BIRC6: variants seen among roughly 807,000 people sequenced by gnomAD.
BIRC6 encodes the protein baculoviral IAP repeat containing 6.
Under a neutral mutation model 503.3 loss-of-function variants are expected in BIRC6, and 98 were observed. That is an observed-to-expected ratio of 0.19 (90% confidence interval 0.17 to 0.23). The LOEUF is 0.23. Among genes scored for constraint, BIRC6 ranks in the 10% least tolerant of loss-of-function variants. The pLI is 1.00. For missense variants in BIRC6, 5,360 were observed against 5,806.0 expected, an observed-to-expected ratio of 0.92 and a Z score of 2.50; for synonymous variants, 2,240 against 2,078.7, an observed-to-expected ratio of 1.08 and a Z score of -2.11.
At chr2:32,452,444 CAA>C (rs2046827332) in intron 22 of BIRC6, among the ~76,000 whole-genome samples, 1 of 152,014 alleles carries the variant, frequency 6.6e-6, no homozygotes, top group Non-Finnish European at 1.5e-5. Context: ...AACAAGGAAA[CAA>C]AAGCTCTTCA....
At chr2:32,534,058 A>G (rs1251457487) in intron 61 of BIRC6, among the ~76,000 whole-genome samples, 2 of 152,174 alleles carry the variant, frequency 1.3e-5, no homozygotes, top group East Asian at 1.9e-4. Context: ...GGTGTGTTTA[A>G]TAAGAGACAC....
At position 32,416,175 on chromosome 2, in the gene BIRC6, G is replaced by A. The variant is rs372275395; in HGVS notation, c.2872+12G>A. ...TGCATGCACCAAAGGTAAGTTGTCTGATTATGCTATAAATCTTATAAAATC... is the reference window on the plus strand; with the variant it reads ...TGCATGCACCAAAGGTAAGTTGTCTAATTATGCTATAAATCTTATAAAATC... On this transcript the variant is annotated intron_variant, in intron 10 of 73. Coordinates refer to ENST00000421745, the MANE Select transcript of BIRC6 (RefSeq NM_016252.4). The A allele has an allele frequency of 6.4e-7, 1 of 1,563,920 alleles. No individual in the cohort carries two copies. The highest frequency in any genetic ancestry group is 1.4e-5 in the African/African-American group (1 of 72,978).
In BIRC6 at chr2:32,357,812, G is replaced by A. The variant is rs529760300; in HGVS notation, c.325+326G>A. On this transcript the variant is annotated intron_variant, in intron 1 of 73. Coordinates refer to ENST00000421745, the MANE Select transcript of BIRC6 (RefSeq NM_016252.4). The surrounding 1 kb of genome is among the most constrained non-coding windows in gnomAD (Gnocchi z 4.9). ...TGGCACCGGAGGAAGCGAGGCCCGG[G>A]TAGGCCCTGGAGAGGCTGTCGGTCC... Among the ~76,000 whole-genome samples, 42 of 152,266 alleles carry A rather than the reference G, an allele frequency of 2.8e-4. No homozygotes were observed. The highest frequency in any genetic ancestry group is 4.6e-4 in the Non-Finnish European group (31 of 68,004).
At chr2:32,369,167 C>G (rs1429707192) in intron 1 of BIRC6, among the ~76,000 whole-genome samples, 2 of 131,908 alleles carry the variant, frequency 1.5e-5, no homozygotes, top group African/African-American at 5.4e-5. Flanking sequence ...TAGACAAAAA[C>G]AGCTAGATAG....
chr2:32,415,255 A>T lies in BIRC6; in HGVS notation c.1964A>T (p.Lys655Ile). Reference sequence around the variant, plus strand: ...TCACAGATGAACAATATTATGAGTAAAAGTTTGCATGATGATGGTTTTACT... The same window carrying T: ...TCACAGATGAACAATATTATGAGTATAAGTTTGCATGATGATGGTTTTACT... Reference protein sequence around the residue: ...IFSQMNNIMSKSLHDDGFTVP... With the variant: ...IFSQMNNIMSISLHDDGFTVP... Residue 655 changes from lysine to isoleucine, a missense_variant, in exon 10 of 74, where the codon AAA becomes ATA. Physicochemically the swap from Lys to Ile is moderately radical, Grantham distance 102. Transcript: ENST00000421745. 6.2e-7 allele frequency: 1 copy of T among 1,614,028 alleles called. No individual in the cohort carries two copies. The highest frequency in any genetic ancestry group is 8.5e-7 in the Non-Finnish European group (1 of 1,179,880).
At chr2:32,413,870 A>T (rs1039083185) in intron 9 of BIRC6, among the ~76,000 whole-genome samples, 1 of 152,144 alleles carries the variant, frequency 6.6e-6, no homozygotes, top group Non-Finnish European at 1.5e-5. Flanking sequence ...TGAACTCTAG[A>T]TTACTTATAA....
chr2:32,519,064 G>T, intron 57 of BIRC6, 118 bp downstream of exon 57: 1 of 979,792 alleles, frequency 1.0e-6, no homozygotes, highest in Non-Finnish European at 1.5e-6. Context: ...GACTAGGAAA[G>T]TTCAAGACAT....
intron 3 of BIRC6, among the ~76,000 whole-genome samples, chr2:32,383,475 A>G (rs1394168330): frequency 6.6e-6 from 1 of 152,208 alleles, no homozygotes; most frequent in Non-Finnish European, 1.5e-5. Flanking sequence ...AGGATTCTTT[A>G]CGTACATGAA....
chr2:32,590,666 C>T, intron 66 of BIRC6: 1 of 411,438 alleles, frequency 2.4e-6, no homozygotes, highest in Non-Finnish European at 3.3e-6. Context: ...TGCTCACATC[C>T]TACTTCAGAT....
intron 14 of BIRC6, 41 bp from the exon 15 acceptor site, chr2:32,436,012 A>G: frequency 1.7e-6 from 2 of 1,202,180 alleles, no homozygotes; most frequent in Non-Finnish European, 2.2e-6. Context: ...TACATTTTAA[A>G]TGAATGAATT....
chr2:32,404,278 CA>C (rs2040938429), intron 8 of BIRC6, among the ~76,000 whole-genome samples: 1 of 151,986 alleles, frequency 6.6e-6, no homozygotes, highest in Non-Finnish European at 1.5e-5. Context: ...TCAAACCATA[CA>C]ATTCATGTAA....
chr2:32,469,508 C>T lies in BIRC6; in HGVS notation c.6241C>T (p.Leu2081Phe), dbSNP rs1269779428. The T allele has an allele frequency of 1.9e-6, 3 of 1,613,780 alleles. No individual in the cohort carries two copies. Among genetic ancestry groups the T allele is most frequent in the East Asian group, 2.2e-5 (1 of 44,880 alleles). Residue 2081 changes from leucine to phenylalanine, a missense_variant, in exon 30 of 74, where the codon CTT becomes TTT. Coordinates refer to ENST00000421745, the MANE Select transcript of BIRC6 (RefSeq NM_016252.4). The part of the protein sequence containing the change: ...TPKIRLHTGL[L>F]LVQLCGGERW... Reference sequence around the variant, plus strand: ...AAAGATACGGTTACATACTGGTCTTCTTCTTGTTCAACTGTGTGGTGGTGA... The same window carrying T: ...AAAGATACGGTTACATACTGGTCTTTTTCTTGTTCAACTGTGTGGTGGTGA...
chr2:32,477,728 G>A (rs1572502173), intron 35 of BIRC6, 145 bp downstream of exon 35: 3 of 293,726 alleles, frequency 1.0e-5, no homozygotes, highest in East Asian at 5.2e-5. Flanking sequence ...GCAAAACCCC[G>A]TCTCTACAAA....
intron 19 of BIRC6, among the ~76,000 whole-genome samples, chr2:32,442,789 T>C (rs1275601309): frequency 6.6e-6 from 1 of 152,188 alleles, no homozygotes; most frequent in Non-Finnish European, 1.5e-5. Flanking sequence ...AAGTGTTTTC[T>C]CTGTTATGTA....
chr2:32,430,926 A>G lies in BIRC6; in HGVS notation c.3084A>G (p.Leu1028=). 1 of 1,611,890 alleles carries G rather than the reference A, an allele frequency of 6.2e-7. No individual in the cohort carries two copies. The highest frequency in any genetic ancestry group is 8.5e-7 in the Non-Finnish European group (1 of 1,179,588). ...AAATCTTGACATCCCTAGTGGAGCTAACCCGCTTTGAGACTTTGACTCCAA... is the reference window on the plus strand; with the variant it reads ...AAATCTTGACATCCCTAGTGGAGCTGACCCGCTTTGAGACTTTGACTCCAA... ...TLEILTSLVE[L]TRFETLTPRF... Residue 1028 remains leucine (L), a synonymous_variant, in exon 12 of 74, where the codon CTA becomes CTG. Transcript: ENST00000421745.
intron 61 of BIRC6, among the ~76,000 whole-genome samples, chr2:32,542,956 C>T (rs2057784649): frequency 6.6e-6 from 1 of 152,100 alleles, no homozygotes; most frequent in Non-Finnish European, 1.5e-5. Flanking sequence ...TGCACCACCA[C>T]ACCTGGCTAA....
chr2:32,606,938 C>T (rs541544005), intron 71 of BIRC6, among the ~76,000 whole-genome samples: 2 of 150,308 alleles, frequency 1.3e-5, no homozygotes, highest in South Asian at 2.1e-4. Context: ...ATCTGGGAGG[C>T]GGAGGTTGCA....
chr2:32,501,259 T>TA (rs1361501784), intron 46 of BIRC6, among the ~76,000 whole-genome samples: 1 of 152,232 alleles, frequency 6.6e-6, no homozygotes, highest in Non-Finnish European at 1.5e-5. Context: ...TTGATTAGAT[T>TA]AAAAAGAATA....
At position 32,487,599 on chromosome 2, in the gene BIRC6, A is replaced by C. The variant is rs750592967; in HGVS notation, c.7814-48A>C. The C allele has an allele frequency of 5.8e-6, 9 of 1,555,312 alleles. No individual in the cohort carries two copies. The South Asian group carries it at 9.0e-5, about 16-fold the overall frequency. On this transcript the variant is annotated intron_variant, in intron 40 of 73. Transcript: ENST00000421745. ...ATACATATGAATAACCAGTTAACAC[A>C]TATCCTGATACTTTATGTATAAAAT... is the stretch of plus-strand genomic sequence containing the variant.
Sources: gnomAD v4.1 joint callset for allele counts (sites outside exome capture counted in the v4.1 genomes callset) on GRCh38, gnomAD v4.1.1 for gene constraint, Gnocchi (gnomAD v3.1) non-coding constraint, MANE v1.5 for transcripts, NCBI Gene and HGNC (gene_info 2026-07-23, HGNC 2026-07-21) for gene names.